MED13: variants seen among roughly 807,000 people sequenced by gnomAD.
MED13 encodes mediator of RNA polymerase II transcription subunit 13.
Under a neutral mutation model 225.2 loss-of-function variants are expected in MED13, and 23 were observed. The observed-to-expected ratio is 0.10, with a 90% CI of 0.07 to 0.14. The LOEUF is 0.14. Among genes scored for constraint, MED13 ranks in the 10% least tolerant of loss-of-function variants. The pLI is 1.00. For synonymous variants in MED13, 942 were observed against 889.2 expected (o/e 1.06, Z -1.06); for missense variants, 2,197 against 2,594.5 (o/e 0.85, Z 3.33).
chr17:61,974,812 A>G (rs1241189996), intron 16 of MED13, among the ~76,000 whole-genome samples: 4 of 152,206 alleles, frequency 2.6e-5, no homozygotes. Flanking sequence ...AAGAGCTAAA[A>G]CTACAAAGTT....
rs1000979046 is a variant in MED13, at chr17:61,950,880, T to C, written c.6236A>G (p.Asp2079Gly). 5.6e-6 allele frequency: 9 copies of C among 1,613,908 alleles called. No homozygotes were observed. The highest frequency in any genetic ancestry group is 1.7e-5 in the Admixed American group (1 of 59,992). ...VSTAKAGPLP[D>G]WFWSACPQAQ... ...TTGAGGACATGCTGACCAGAACCAG[T>C]CAGGTAATGGACCTGCTTTGGCAGT... The change falls in exon 28 of 30, where the codon GAC (aspartate) becomes GGC (glycine). Residue 2079 changes from aspartate to glycine, a missense_variant. Asp to Gly is a moderately conservative substitution (Grantham distance 94, BLOSUM62 -1). Around this residue, in one of 12 missense-constraint regions of MED13, gnomAD observed 216 missense variants for 388.9 expected, o/e 0.56. Coordinates refer to ENST00000397786, the MANE Select transcript of MED13 (RefSeq NM_005121.3).
chr17:61,968,011 T>C (rs371742071), intron 18 of MED13, 24 bp downstream of exon 18: 10 of 1,550,758 alleles, frequency 6.4e-6, no homozygotes, highest in Non-Finnish European at 8.9e-6. Context: ...AGTTTTAAAA[T>C]GTCATCTCTT....
intron 9 of MED13, among the ~76,000 whole-genome samples, chr17:62,001,524 CATCTCAAGGATAATATA>C (rs2080395080): frequency 6.6e-6 from 1 of 152,210 alleles, no homozygotes; most frequent in Non-Finnish European, 1.5e-5. Flanking sequence ...GTCCCTCCAT[CATCTCAAGGATAATATA>C]CAAACTTATG....
intron 10 of MED13, 50 bp from the exon 11 acceptor site, chr17:61,992,671 T>C (rs1326140596): frequency 7.7e-7 from 1 of 1,306,072 alleles, no homozygotes; most frequent in South Asian, 1.2e-5. Flanking sequence ...TTACCAACAA[T>C]AAAATCTACC....
Position 61,956,408 on chromosome 17 carries a change from G to C in MED13, c.5554C>G (p.Gln1852Glu), listed in dbSNP as rs1231878017. The part of the protein sequence containing the change: ...KLWEWCLGLV[Q>E]MSSLPWRVVI... ...ACTCTCCATGGCAATGAACTCATTTGTACAAGTCCTAAGCACCACTCCCAA... is the reference window on the plus strand; with the variant it reads ...ACTCTCCATGGCAATGAACTCATTTCTACAAGTCCTAAGCACCACTCCCAA... The change falls in exon 24 of 30, where the codon CAA (glutamine) becomes GAA (glutamate). Residue 1852 changes from glutamine (Q) to glutamate (E), a missense_variant. Physicochemically the swap from Gln to Glu is conservative, Grantham distance 29 (BLOSUM62 2). Coordinates refer to ENST00000397786, the MANE Select transcript of MED13 (RefSeq NM_005121.3). 1.2e-6 allele frequency: 2 copies of C among 1,613,648 alleles called. No individual in the cohort carries two copies. The highest frequency in any genetic ancestry group is 1.7e-6 in the Non-Finnish European group (2 of 1,179,788).
intron 26 of MED13, among the ~76,000 whole-genome samples, chr17:61,954,514 T>C (rs1239820522): frequency 6.6e-6 from 1 of 152,120 alleles, no homozygotes; most frequent in Non-Finnish European, 1.5e-5. Flanking sequence ...TGGTGGCTCA[T>C]GTTTATAATC....
intron 3 of MED13, among the ~76,000 whole-genome samples, chr17:62,036,325 A>C (rs1462762161): frequency 2.6e-5 from 4 of 152,136 alleles, no homozygotes; most frequent in Admixed American, 1.3e-4. Context: ...GGCATCCTAG[A>C]ATCAAGAATA....
intron 8 of MED13, among the ~76,000 whole-genome samples, chr17:62,020,801 A>G (rs1042703265): frequency 5.9e-5 from 9 of 151,510 alleles, no homozygotes; most frequent in South Asian, 2.1e-4. Context: ...AAGTGAACAA[A>G]GGTCTCTGGT....
At chr17:62,064,926 A>G (rs77613652) in intron 1 of MED13, among the ~76,000 whole-genome samples, 1 of 152,194 alleles carries the variant, frequency 6.6e-6, no homozygotes. Flanking sequence ...ACAAGACGAG[A>G]AAAAATGCCA....
chr17:61,988,765 T>C (rs181099769), intron 11 of MED13, among the ~76,000 whole-genome samples: 189 of 152,018 alleles, frequency 1.2e-3, no homozygotes, highest in African/African-American at 4.0e-3. Context: ...TATTGTGAAA[T>C]GACTAAATCA....
intron 1 of MED13, among the ~76,000 whole-genome samples, chr17:62,064,599 C>G (rs1443581633): frequency 6.6e-6 from 1 of 152,144 alleles, no homozygotes; most frequent in East Asian, 1.9e-4. Flanking sequence ...CACCTACTGG[C>G]TTTTACAGAG....
rs528673533 is a variant in MED13 at position 61,985,593 on chromosome 17, C to A, written c.2386-503G>T. Among the ~76,000 whole-genome samples, 137 of 152,240 alleles carry A rather than the reference C, an allele frequency of 9.0e-4. No homozygotes were observed. The South Asian group carries it at 0.01, about 11-fold the overall frequency. On this transcript the variant is annotated intron_variant, in intron 12 of 29. Transcript: ENST00000397786. Reference sequence around the variant, plus strand: ...GGCTGAGGCACAAGAATTGCTTGAGCCTGGGAGGCAGAGGTTGCAGTGAGC... The same window carrying A: ...GGCTGAGGCACAAGAATTGCTTGAGACTGGGAGGCAGAGGTTGCAGTGAGC...
rs2080233988 is a variant in MED13 at position 61,984,794 on chromosome 17, T to C, written c.2548A>G (p.Met850Val). ...CCATATTCTTTATTATTCATATTCA[T>C]TGGGGAAAATCCCATAATATGTTGT... ...LEQHIMGFSP[M>V]NMNNKEYGSM... Residue 850 changes from methionine (M) to valine (V), a missense_variant, in exon 14 of 30, where the codon ATG (methionine) becomes GTG (valine). Physicochemically the swap from Met to Val is conservative, Grantham distance 21 (BLOSUM62 1). This residue lies in a region of MED13 where 160 missense variants were observed against 184.8 expected (regional missense o/e 0.87). Coordinates refer to ENST00000397786, the MANE Select transcript of MED13 (RefSeq NM_005121.3). 5 of 1,613,696 alleles carry C rather than the reference T, an allele frequency of 3.1e-6. No homozygotes were observed. The highest frequency in any genetic ancestry group is 4.2e-6 in the Non-Finnish European group (5 of 1,179,690).
chr17:62,025,336 C>T (rs561635524), intron 8 of MED13, among the ~76,000 whole-genome samples: 223 of 152,256 alleles, frequency 1.5e-3, no homozygotes, highest in African/African-American at 5.2e-3. Context: ...TACCATAAAA[C>T]ATTCTTTATT....
Position 61,946,367 on chromosome 17 carries a change from A to G in MED13, c.*101T>C. 7.3e-7 allele frequency: 1 copy of G among 1,374,932 alleles called. No homozygotes were observed. The highest frequency in any genetic ancestry group is 1.3e-5 in the South Asian group (1 of 76,434). 85.2% of individuals were successfully genotyped at this position (1,374,932 alleles called of 1,614,324 possible). On this transcript the variant is annotated 3_prime_UTR_variant, in exon 30 of 30. Transcript: ENST00000397786. ...GTTGAAGTAATAAGAATTAGACCCC[A>G]TCACAAATGACCTTCACTGAGAAGA...
At chr17:62,013,656 C>T (rs2080533054) in intron 8 of MED13, among the ~76,000 whole-genome samples, 1 of 152,102 alleles carries the variant, frequency 6.6e-6, no homozygotes, top group Non-Finnish European at 1.5e-5. Flanking sequence ...TTTTACTGAA[C>T]GTTTTACCCA....
At chr17:61,976,662 C>G (rs546161199) in intron 16 of MED13, among the ~76,000 whole-genome samples, 1 of 152,094 alleles carries the variant, frequency 6.6e-6, no homozygotes. Flanking sequence ...TGGCTGGGTG[C>G]GGTGGCTCAC....
chr17:62,040,629 G>A (rs1050523331), intron 3 of MED13, among the ~76,000 whole-genome samples: 6 of 152,052 alleles, frequency 3.9e-5, no homozygotes, highest in Non-Finnish European at 5.9e-5. Flanking sequence ...GGCACAAAGA[G>A]GTTAAATGGC....
In MED13 at chr17:61,965,016, C is replaced by G. The variant is rs1336382936; in HGVS notation, c.4834G>C (p.Val1612Leu). The G allele has an allele frequency of 6.2e-7, 1 of 1,613,748 alleles. No individual in the cohort carries two copies. The highest frequency in any genetic ancestry group is 8.5e-7 in the Non-Finnish European group (1 of 1,179,850). ...SSLPTQPHPD[V>L]SESTMDRDKV... The stretch of plus-strand genomic sequence containing the variant: ...TATTTTTAAAGGTACCTTTCAGACA[C>G]ATCAGGATGCGGCTGAGTGGGAAGT... The change falls in exon 20 of 30, where the codon GTG becomes CTG. Residue 1612 changes from valine (V) to leucine (L), a missense_variant. By Grantham distance (32) the Val-to-Leu change is conservative. This residue lies in a region of MED13 where 457 missense variants were observed against 442.2 expected (regional missense o/e 1.03). Coordinates refer to ENST00000397786, the MANE Select transcript of MED13 (RefSeq NM_005121.3).
Sources: gnomAD v4.1 joint callset for allele counts (sites outside exome capture counted in the v4.1 genomes callset) on GRCh38, gnomAD v4.1.1 for gene constraint, gnomAD v4.1.1 regional missense constraint, MANE v1.5 for transcripts, NCBI Gene and HGNC (gene_info 2026-07-23, HGNC 2026-07-21) for gene names.